PLXDC2: variants seen among roughly 807,000 people sequenced by gnomAD.
PLXDC2 encodes plexin domain containing 2, also known as plexin domain-containing protein 2.
PLXDC2 carries 40 observed loss-of-function variants against 68.9 expected under a neutral mutation model. The observed-to-expected ratio is 0.58, with a 90% CI of 0.45 to 0.76. The LOEUF is 0.76. Among genes scored for constraint, PLXDC2 ranks in the 30% least tolerant of loss-of-function variants. The pLI, the probability that PLXDC2 is intolerant of heterozygous loss-of-function variation, is 0.00. For missense variants in PLXDC2, 644 were observed against 661.9 expected, an observed-to-expected ratio of 0.97 and a Z score of 0.30; for synonymous variants, 243 against 234.2, an observed-to-expected ratio of 1.04 and a Z score of -0.34.
chr10:20,201,167 G>A (rs1834912348), intron 9 of PLXDC2, among the ~76,000 whole-genome samples: 1 of 151,992 alleles, frequency 6.6e-6, no homozygotes, highest in Non-Finnish European at 1.5e-5. Flanking sequence ...AAAATGTAGT[G>A]TATATATATA....
intron 4 of PLXDC2, among the ~76,000 whole-genome samples, chr10:20,128,128 A>T (rs1833817211): frequency 6.6e-6 from 1 of 152,140 alleles, no homozygotes; most frequent in Non-Finnish European, 1.5e-5. Context: ...TATTAGGTGG[A>T]TTCAAGACAG....
At chr10:20,064,910 GT>G (rs11342889) in intron 3 of PLXDC2, among the ~76,000 whole-genome samples, 151,336 of 151,782 alleles carry the variant, frequency 1, 75,445 homozygotes, top group Middle Eastern at 1. Context: ...TGTTTGTTTG[GT>G]TTTTTTTTCT....
intron 13 of PLXDC2, among the ~76,000 whole-genome samples, chr10:20,270,028 AAAAT>A (rs888072106): frequency 8.6e-5 from 11 of 128,224 alleles, no homozygotes; most frequent in East Asian, 5.5e-4. Context: ...AAAATAAAAT[AAAAT>A]AAAATAAAAT....
chr10:20,278,966 A>G (rs1328965003), intron 13 of PLXDC2, among the ~76,000 whole-genome samples: 1 of 152,130 alleles, frequency 6.6e-6, no homozygotes, highest in African/African-American at 2.4e-5. Flanking sequence ...GGTTTGTTTG[A>G]TGGATGGAGT....
At chr10:20,049,524 AATAAATGTTCAGAAATCACAAG>A (rs1250611619) in intron 3 of PLXDC2, among the ~76,000 whole-genome samples, 1 of 152,100 alleles carries the variant, frequency 6.6e-6, no homozygotes, top group Non-Finnish European at 1.5e-5. Flanking sequence ...CAGGATACAA[AATAAATGTTCAGAAATCACAAG>A]CATTCCAATA....
intron 9 of PLXDC2, among the ~76,000 whole-genome samples, chr10:20,178,590 A>G (rs1440240679): frequency 6.6e-6 from 1 of 152,146 alleles, no homozygotes; most frequent in East Asian, 1.9e-4. Context: ...TTTCGGTTGT[A>G]TGAGCAGTCT....
At chr10:19,865,219 ACT>A (rs1837391124) in intron 1 of PLXDC2, among the ~76,000 whole-genome samples, 1 of 152,088 alleles carries the variant, frequency 6.6e-6, no homozygotes, top group South Asian at 2.1e-4. Context: ...CATCTCAGTG[ACT>A]CTTCACCTGT....
intron 1 of PLXDC2, among the ~76,000 whole-genome samples, chr10:19,915,597 G>A (rs1480958725): frequency 6.6e-6 from 1 of 151,998 alleles, no homozygotes; most frequent in East Asian, 1.9e-4. Flanking sequence ...AGTTCCTTTT[G>A]TTGTAATTTT....
intron 1 of PLXDC2, among the ~76,000 whole-genome samples, chr10:19,918,408 G>A (rs992478384): frequency 1.3e-5 from 2 of 152,190 alleles, no homozygotes; most frequent in African/African-American, 4.8e-5. Context: ...TTCAAAGTCA[G>A]TCCATTCTCT....
At chr10:19,891,060 T>A (rs1469892453) in intron 1 of PLXDC2, among the ~76,000 whole-genome samples, 1 of 152,154 alleles carries the variant, frequency 6.6e-6, no homozygotes, top group Non-Finnish European at 1.5e-5. Flanking sequence ...GCAGTCTTCT[T>A]CCTATGCAAT....
chr10:20,215,057 A>T (rs1043240461), intron 10 of PLXDC2, among the ~76,000 whole-genome samples: 3 of 152,162 alleles, frequency 2.0e-5, no homozygotes, highest in Non-Finnish European at 4.4e-5. Flanking sequence ...ATTGCAAAAG[A>T]TAATGCATAG....
At chr10:19,903,760 G>A (rs1838198263) in intron 1 of PLXDC2, among the ~76,000 whole-genome samples, 1 of 149,966 alleles carries the variant, frequency 6.7e-6, no homozygotes, top group South Asian at 2.1e-4. Context: ...CCAGCTCCAT[G>A]AGGTTTGAGC....
At chr10:20,084,793 T>G (rs1833166812) in intron 4 of PLXDC2, among the ~76,000 whole-genome samples, 1 of 151,742 alleles carries the variant, frequency 6.6e-6, no homozygotes, top group African/African-American at 2.4e-5. Context: ...GTCACAAATT[T>G]CCTCTATCTT....
intron 6 of PLXDC2, among the ~76,000 whole-genome samples, chr10:20,161,396 G>T (rs1251544676): frequency 2.0e-5 from 3 of 150,476 alleles, no homozygotes; most frequent in Non-Finnish European, 4.4e-5. Flanking sequence ...CATTTTCTTG[G>T]CTGTAGCAAG....
intron 1 of PLXDC2, among the ~76,000 whole-genome samples, chr10:19,879,401 A>G (rs954131267): frequency 1.3e-5 from 2 of 152,168 alleles, no homozygotes; most frequent in Non-Finnish European, 2.9e-5. Flanking sequence ...ATGCTGTTTT[A>G]TTTAAATTCT....
At chr10:20,208,846 T>C (rs917535749) in intron 9 of PLXDC2, among the ~76,000 whole-genome samples, 1 of 152,022 alleles carries the variant, frequency 6.6e-6, no homozygotes, top group African/African-American at 2.4e-5. Context: ...ATTTTAAAGC[T>C]GGGTGTCCGG....
intron 4 of PLXDC2, among the ~76,000 whole-genome samples, chr10:20,118,250 C>A (rs1299498714): frequency 6.6e-6 from 1 of 151,926 alleles, no homozygotes; most frequent in Non-Finnish European, 1.5e-5. Flanking sequence ...GTGTTCAAAT[C>A]GTAGGGCATA....
intron 3 of PLXDC2, among the ~76,000 whole-genome samples, chr10:20,053,849 G>C (rs1354948919): frequency 1.3e-5 from 2 of 152,054 alleles, no homozygotes; most frequent in African/African-American, 4.8e-5. Flanking sequence ...GGGTAAAAAT[G>C]CCTGCCTTTA....
At chr10:19,988,472 A>G (rs1215696698) in intron 1 of PLXDC2, among the ~76,000 whole-genome samples, 2 of 144,504 alleles carry the variant, frequency 1.4e-5, no homozygotes, top group African/African-American at 4.9e-5. Flanking sequence ...AATAGATAAT[A>G]TTTAAGATTA....
Sources: allele counts gnomAD v4.1 joint callset (sites outside exome capture counted in the v4.1 genomes callset), GRCh38; gene constraint gnomAD v4.1.1; transcripts MANE v1.5; gene names NCBI Gene and HGNC (gene_info 2026-07-23, HGNC 2026-07-21).